The following SRD5A2 variants were observed in gnomAD, a reference collection of about 807,000 sequenced individuals.
SRD5A2 encodes the protein 3-oxo-5-alpha-steroid 4-dehydrogenase 2.
SRD5A2 carries 30 observed loss-of-function variants against 27.4 expected under a neutral mutation model. The observed-to-expected ratio is 1.10, with a 90% CI of 0.82 to 1.49. SRD5A2 has a LOEUF of 1.49. Among genes scored for constraint, SRD5A2 ranks in the 40% most tolerant of loss-of-function variants. SRD5A2 has a pLI of 0.00. For synonymous variants in SRD5A2, 141 were observed against 133.6 expected (o/e 1.06, Z -0.38); for missense variants, 348 against 323.4 (o/e 1.08, Z -0.58).
Position 31,529,461 on chromosome 2 carries a change from C to CG in SRD5A2, c.548-5dup. The CG allele has an allele frequency of 1.2e-6, 2 of 1,611,188 alleles. No homozygotes were observed. Among genetic ancestry groups the CG allele is most frequent in the South Asian group, 2.2e-5 (2 of 90,500 alleles). On this transcript the variant is annotated splice_region_variant and splice_polypyrimidine_tract_variant and intron_variant, in intron 3 of 4. Transcript: ENST00000622030. ...GAAACATACGTAAACAAGCCACCTG[C>CG]GTGCAGAAGAATCGGAAGGTCAATC... is the stretch of plus-strand genomic sequence containing the variant.
the SRD5A2 span, among the ~76,000 whole-genome samples, chr2:31,612,709 A>C: frequency 6.6e-6 from 1 of 152,240 alleles, no homozygotes; most frequent in Admixed American, 6.5e-5. Context: ...AAACGCCCAA[A>C]GCAATCTTGA....
rs1667068129 is a variant in SRD5A2, at chr2:31,580,864, C to G, written c.37G>C (p.Gly13Arg). Reference sequence around the variant, plus strand: ...CCAAGGGCGACCAAAGTGGCGCTGCCTGCCAGCACTGGGCTCTGCTGGCAC... The same window carrying G: ...CCAAGGGCGACCAAAGTGGCGCTGCGTGCCAGCACTGGGCTCTGCTGGCAC... ...VQCQQSPVLAGSATLVALGAL... is the reference protein window; with the variant it reads ...VQCQQSPVLARSATLVALGAL... Residue 13 changes from glycine to arginine, a missense_variant, in exon 1 of 5, where the codon GGC becomes CGC. Coordinates refer to ENST00000622030, the MANE Select transcript of SRD5A2 (RefSeq NM_000348.4). 1 of 1,610,826 alleles carries G rather than the reference C, an allele frequency of 6.2e-7. No homozygotes were observed. Among genetic ancestry groups the G allele is most frequent in the Non-Finnish European group, 8.5e-7 (1 of 1,179,144 alleles).
intron 3 of SRD5A2, 118 bp from the exon 4 acceptor site, chr2:31,529,575 C>T: frequency 2.2e-6 from 3 of 1,370,698 alleles, no homozygotes; most frequent in Non-Finnish European, 3.0e-6. Flanking sequence ...GCTGGAGGCT[C>T]CCTCCATAGT....
the SRD5A2 span, among the ~76,000 whole-genome samples, chr2:31,626,403 G>C: frequency 6.6e-6 from 1 of 152,130 alleles, no homozygotes. Flanking sequence ...TGTTGAATGG[G>C]AGTGGTGAGA....
chr2:31,574,331 A>G (rs547628731), intron 1 of SRD5A2, among the ~76,000 whole-genome samples: 2 of 152,340 alleles, frequency 1.3e-5, no homozygotes, highest in East Asian at 3.9e-4. Flanking sequence ...TCAGGAGACC[A>G]GGCTTCAAGC....
intron 1 of SRD5A2, among the ~76,000 whole-genome samples, chr2:31,573,278 G>A (rs555446151): frequency 1.1e-3 from 169 of 152,322 alleles, no homozygotes; most frequent in African/African-American, 1.8e-3. Context: ...CACCCAGAGC[G>A]CAATAAATAT....
chr2:31,586,676 T>C, the SRD5A2 span, among the ~76,000 whole-genome samples: 1 of 152,184 alleles, frequency 6.6e-6, no homozygotes, highest in Admixed American at 6.5e-5. Flanking sequence ...GCAAGAACCA[T>C]AGCATTACTG....
chr2:31,590,481 T>C, the SRD5A2 span, among the ~76,000 whole-genome samples: 1 of 152,178 alleles, frequency 6.6e-6, no homozygotes, highest in Non-Finnish European at 1.5e-5. Context: ...GAAGAATCAG[T>C]ATCATGAAAA....
chr2:31,638,016 T>G, the SRD5A2 span, among the ~76,000 whole-genome samples: 3 of 152,126 alleles, frequency 2.0e-5, no homozygotes, highest in Admixed American at 2.0e-4. Context: ...AGATGCATCA[T>G]TAGGTTGTTT....
At chr2:31,651,371 C>T in the SRD5A2 span, 1 of 221,356 alleles carries the variant, frequency 4.5e-6, no homozygotes, top group Admixed American at 4.4e-5. Context: ...CTTAGTCAGA[C>T]AACTAGAAGA....
the SRD5A2 span, among the ~76,000 whole-genome samples, chr2:31,628,226 T>C: frequency 0.27 from 40,677 of 151,986 alleles, 6,705 homozygotes; most frequent in East Asian, 0.37. Flanking sequence ...CATTACATAA[T>C]GCTCTTGTCT....
At chr2:31,533,553 G>T in intron 2 of SRD5A2, 50 bp downstream of exon 2, 2 of 1,523,320 alleles carry the variant, frequency 1.3e-6, no homozygotes, top group African/African-American at 2.8e-5. Flanking sequence ...GTAGATTGTG[G>T]GAAGGGTTGT....
the SRD5A2 span, among the ~76,000 whole-genome samples, chr2:31,628,763 A>G: frequency 1.3e-5 from 2 of 151,904 alleles, no homozygotes; most frequent in Non-Finnish European, 2.9e-5. Context: ...GGTTGAAAAT[A>G]GGCTCCCAAT....
At chr2:31,553,897 T>C (rs2148081043) in intron 1 of SRD5A2, among the ~76,000 whole-genome samples, 1 of 152,270 alleles carries the variant, frequency 6.6e-6, no homozygotes, top group East Asian at 1.9e-4. Context: ...TACGGAGGTT[T>C]GGACAAAGGA....
chr2:31,553,754 T>C (rs1026303909), intron 1 of SRD5A2, among the ~76,000 whole-genome samples: 6 of 152,130 alleles, frequency 3.9e-5, no homozygotes, highest in African/African-American at 1.4e-4. Flanking sequence ...TAGTAAGCAA[T>C]ATATAAATAT....
the SRD5A2 span, among the ~76,000 whole-genome samples, chr2:31,598,016 C>T: frequency 1.3e-5 from 2 of 152,062 alleles, no homozygotes; most frequent in Non-Finnish European, 2.9e-5. Context: ...TTTATAGCAG[C>T]ACAATTCATA....
the SRD5A2 span, among the ~76,000 whole-genome samples, chr2:31,619,140 A>G: frequency 6.6e-6 from 1 of 152,150 alleles, no homozygotes; most frequent in Admixed American, 6.6e-5. Context: ...CAGGATGGCT[A>G]TAATCAAAAA....
the SRD5A2 span, among the ~76,000 whole-genome samples, chr2:31,617,147 T>C: frequency 6.6e-6 from 1 of 152,112 alleles, no homozygotes; most frequent in South Asian, 2.1e-4. Context: ...CATTAAACCT[T>C]TTTCTTTATA....
At chr2:31,593,630 A>G in the SRD5A2 span, among the ~76,000 whole-genome samples, 1 of 152,350 alleles carries the variant, frequency 6.6e-6, no homozygotes, top group Non-Finnish European at 1.5e-5. Flanking sequence ...TATTTGAGGG[A>G]GCAATTGAGG....
Sources: gnomAD v4.1 joint callset for allele counts (sites outside exome capture counted in the v4.1 genomes callset) on GRCh38, gnomAD v4.1.1 for gene constraint, MANE v1.5 for transcripts, NCBI Gene and HGNC (gene_info 2026-07-23, HGNC 2026-07-21) for gene names.